The following RAB3D variants were observed in gnomAD, a reference collection of about 807,000 sequenced individuals.
The protein encoded by RAB3D is RAB3D, member RAS oncogene family.
Under a neutral mutation model 19.3 loss-of-function variants are expected in RAB3D, and 17 were observed. That is an observed-to-expected ratio of 0.88 (90% CI 0.60 to 1.32). The LOEUF is 1.32. Among genes scored for constraint, RAB3D ranks in the 40% most tolerant of loss-of-function variants. The pLI, the probability that RAB3D is intolerant of heterozygous loss-of-function variation, is 0.00. For synonymous variants in RAB3D, 103 were observed against 119.9 expected (o/e 0.86, Z 0.92); for missense variants, 223 against 299.1 (o/e 0.75, Z 1.88).
At chr19:11,335,922 T>G (rs2080851559) in intron 2 of RAB3D, 139 bp from the exon 3 acceptor site, 7 of 770,532 alleles carry the variant, frequency 9.1e-6, no homozygotes, top group Non-Finnish European at 2.2e-6. Context: ...TCTGGTCTGA[T>G]GGAGAATACA....
chr19:11,330,144 G>A (rs1280910280), intron 4 of RAB3D, among the ~76,000 whole-genome samples: 1 of 152,108 alleles, frequency 6.6e-6, no homozygotes, highest in African/African-American at 2.4e-5. Flanking sequence ...GGGGATCCAG[G>A]GCCCTGCCCC....
chr19:11,336,799 T>C (rs934725556), intron 2 of RAB3D, among the ~76,000 whole-genome samples: 2 of 151,606 alleles, frequency 1.3e-5, no homozygotes, highest in African/African-American at 4.8e-5. Flanking sequence ...TGAAACCCCA[T>C]CTCTATTAAA....
At chr19:11,335,901 C>T in intron 2 of RAB3D, 118 bp from the exon 3 acceptor site, 2 of 896,688 alleles carry the variant, frequency 2.2e-6, no homozygotes, top group Non-Finnish European at 3.6e-6. Context: ...CACAGACTTG[C>T]TTGTACAACC....
At chr19:11,337,803 T>C (rs988887578) in intron 1 of RAB3D, among the ~76,000 whole-genome samples, 2 of 152,030 alleles carry the variant, frequency 1.3e-5, no homozygotes, top group Non-Finnish European at 2.9e-5. Context: ...CCCAAGTAGC[T>C]GGGACTACAG....
chr19:11,327,855 GA>G (rs1048779161), intron 4 of RAB3D, among the ~76,000 whole-genome samples: 3 of 151,286 alleles, frequency 2.0e-5, no homozygotes, highest in Non-Finnish European at 4.4e-5. Context: ...TTTTAAAAAG[GA>G]AAAAAAATAC....
intron 4 of RAB3D, among the ~76,000 whole-genome samples, chr19:11,327,374 C>G (rs2080819059): frequency 6.6e-6 from 1 of 152,134 alleles, no homozygotes; most frequent in African/African-American, 2.4e-5. Context: ...CCACGCGTGG[C>G]TTTGCCTCAT....
chr19:11,329,926 C>A (rs1257157643), intron 4 of RAB3D, among the ~76,000 whole-genome samples: 1 of 152,146 alleles, frequency 6.6e-6, no homozygotes, highest in Non-Finnish European at 1.5e-5. Flanking sequence ...AAGTGATCTG[C>A]CCACTTCAGC....
chr19:11,326,194 C>A (rs2080811626), intron 4 of RAB3D, among the ~76,000 whole-genome samples: 3 of 151,276 alleles, frequency 2.0e-5, no homozygotes, highest in Non-Finnish European at 2.9e-5. Context: ...TGTACTCCAG[C>A]CTGGGCAACA....
intron 4 of RAB3D, among the ~76,000 whole-genome samples, chr19:11,332,005 T>G (rs1340686715): frequency 1.3e-5 from 2 of 152,174 alleles, no homozygotes; most frequent in Non-Finnish European, 2.9e-5. Context: ...TTTATCAAAG[T>G]CTATTATACA....
chr19:11,326,726 CCT>C (rs1249513340), intron 4 of RAB3D: 8 of 687,894 alleles, frequency 1.2e-5, no homozygotes, highest in Admixed American at 6.2e-5. Context: ...GCCTTGGCCC[CCT>C]GAGTAGCTGG....
At chr19:11,330,192 C>T (rs548862629) in intron 4 of RAB3D, among the ~76,000 whole-genome samples, 122 of 152,236 alleles carry the variant, frequency 8.0e-4, no homozygotes, top group African/African-American at 2.7e-3. Flanking sequence ...AAAGCAATGG[C>T]AAGAATAAAA....
In RAB3D at chr19:11,337,326, A is replaced by C; in HGVS notation, c.74T>G (p.Leu25Arg). 2 of 1,614,182 alleles carry C rather than the reference A, an allele frequency of 1.2e-6. No individual in the cohort carries two copies. Among genetic ancestry groups the C allele is most frequent in the Non-Finnish European group, 1.7e-6 (2 of 1,180,038 alleles). Reference sequence around the variant, plus strand: ...CACACTGCTGTTGCCTATCAGTAGCAGTTTGAACATATAGTCGAAGTTCTG... The same window carrying C: ...CACACTGCTGTTGCCTATCAGTAGCCGTTTGAACATATAGTCGAAGTTCTG... ...ADQNFDYMFKLLLIGNSSVGK... is the reference protein window; with the variant it reads ...ADQNFDYMFKRLLIGNSSVGK... Residue 25 changes from leucine (L) to arginine (R), a missense_variant, in exon 2 of 5, where the codon CTG (leucine) becomes CGG (arginine). Leu to Arg is a moderately radical substitution (Grantham distance 102, BLOSUM62 -2). Coordinates refer to ENST00000222120, the MANE Select transcript of RAB3D (RefSeq NM_004283.4).
Position 11,325,231 on chromosome 19 carries a change from T to C in RAB3D, c.*167A>G, listed in dbSNP as rs1599355134. The C allele has an allele frequency of 3.5e-6, 2 of 576,340 alleles. No individual in the cohort carries two copies. Among genetic ancestry groups the C allele is most frequent in the South Asian group, 4.2e-5 (2 of 47,104 alleles). 35.7% of individuals were successfully genotyped at this position (576,340 alleles called of 1,614,324 possible). A position where few individuals can be genotyped will look rare whatever the true frequency, so the allele number is the denominator to read the frequency against. ...TCCCACCGGGGCTGCCTGAGGAACC[T>C]GGCAGCCACGGCGACATTGTGAAGG... On this transcript the variant is annotated 3_prime_UTR_variant, in exon 5 of 5. Transcript: ENST00000222120.
In RAB3D at chr19:11,325,436, C is replaced by T. The variant is rs753462943; in HGVS notation, c.622G>A (p.Asp208Asn). The change falls in exon 5 of 5, where the codon GAT becomes AAT. Residue 208 changes from aspartate (D) to asparagine (N), a missense_variant. By Grantham distance (23) the Asp-to-Asn change is conservative (BLOSUM62 1). Transcript: ENST00000222120. ...GSNGKGPAVGDAPAPQPSSCS... is the reference protein window; with the variant it reads ...GSNGKGPAVGNAPAPQPSSCS... ...CTGCTGGGCTGGGGGGCTGGAGCAT[C>T]CCCCACGGCCGGGCCTTTCCCGTTG... is the stretch of plus-strand genomic sequence containing the variant. 8.7e-6 allele frequency: 14 copies of T among 1,606,648 alleles called. No individual in the cohort carries two copies. In the East Asian group the frequency reaches 8.9e-5, roughly 10 times the overall value.
chr19:11,330,891 C>T (rs1354675690), intron 4 of RAB3D, among the ~76,000 whole-genome samples: 1 of 151,784 alleles, frequency 6.6e-6, no homozygotes, highest in African/African-American at 2.4e-5. Flanking sequence ...TGGAGTACAC[C>T]TGGCATCCCA....
In RAB3D at chr19:11,335,446, C is replaced by T. The variant is rs1464008232; in HGVS notation, c.472+1G>A. ...GCCTGTGGCCCAGGCTGGGCACTAA[C>T]CAAGGTCGTCGGCGAGCCTCCGGCC... is the stretch of plus-strand genomic sequence containing the variant. On this transcript the variant is annotated splice_donor_variant, in intron 4 of 4. Coordinates refer to ENST00000222120, the MANE Select transcript of RAB3D (RefSeq NM_004283.4). LOFTEE classifies it high-confidence loss of function. The T allele has an allele frequency of 3.1e-6, 5 of 1,613,896 alleles. No individual in the cohort carries two copies. Among genetic ancestry groups the T allele is most frequent in the Non-Finnish European group, 4.2e-6 (5 of 1,179,964 alleles).
At chr19:11,336,723 C>G (rs747454254) in intron 2 of RAB3D, among the ~76,000 whole-genome samples, 2 of 151,750 alleles carry the variant, frequency 1.3e-5, no homozygotes, top group East Asian at 3.9e-4. Context: ...GTAATCCCAG[C>G]GCTTTGGGAG....
chr19:11,331,725 C>T (rs2080836146), intron 4 of RAB3D, among the ~76,000 whole-genome samples: 1 of 151,184 alleles, frequency 6.6e-6, no homozygotes, highest in Admixed American at 6.6e-5. Context: ...CCCCTGGGCT[C>T]AAGCAATCCT....
intron 4 of RAB3D, among the ~76,000 whole-genome samples, chr19:11,331,382 A>G (rs2080835239): frequency 6.7e-6 from 1 of 149,222 alleles, no homozygotes; most frequent in Admixed American, 6.6e-5. Context: ...TAAATTTCCC[A>G]TGTCATATTA....
Sources: gnomAD v4.1 joint callset for allele counts (sites outside exome capture counted in the v4.1 genomes callset) on GRCh38, gnomAD v4.1.1 for gene constraint, MANE v1.5 for transcripts, NCBI Gene and HGNC (gene_info 2026-07-23, HGNC 2026-07-21) for gene names.